Variants in NYAP2 observed in about 807,000 individuals in gnomAD.
NYAP2 encodes the protein neuronal tyrosine-phosphorylated phosphoinositide-3-kinase adapter 2.
A neutral mutation model predicts 50.4 loss-of-function variants in NYAP2; 23 were observed. The observed-to-expected ratio is 0.46, with a 90% CI of 0.33 to 0.65. The LOEUF (loss-of-function observed/expected upper bound fraction) is 0.65. Among genes scored for constraint, NYAP2 ranks in the 30% least tolerant of loss-of-function variants. NYAP2 has a pLI of 0.02. For synonymous variants in NYAP2, 394 were observed against 365.2 expected, an observed-to-expected ratio of 1.08 and a Z score of -0.90; for missense variants, 885 against 861.0, an observed-to-expected ratio of 1.03 and a Z score of -0.35.
chr2:225,500,610 A>T (rs1690588110), intron 3 of NYAP2, among the ~76,000 whole-genome samples: 1 of 152,226 alleles, frequency 6.6e-6, no homozygotes, highest in South Asian at 2.1e-4. Flanking sequence ...AATTTAGAGC[A>T]TTATTTCATT....
upstream of NYAP2, among the ~76,000 whole-genome samples, chr2:225,398,901 C>G (rs1269359801): frequency 6.6e-6 from 1 of 151,890 alleles, no homozygotes. Flanking sequence ...TTATTTTTCC[C>G]CAGATACTTA....
the NYAP2 span, among the ~76,000 whole-genome samples, chr2:225,669,262 C>A: frequency 1.3e-5 from 2 of 151,912 alleles, no homozygotes; most frequent in Non-Finnish European, 2.9e-5. Flanking sequence ...CAAAAGAGAT[C>A]AAAAGTCATT....
intron 5 of NYAP2, among the ~76,000 whole-genome samples, chr2:225,601,583 C>T (rs1383573886): frequency 2.0e-5 from 3 of 152,094 alleles, no homozygotes; most frequent in Non-Finnish European, 4.4e-5. Context: ...TTTGTAAATA[C>T]CAATCCTAAT....
At chr2:225,592,073 C>A (rs926233355) in intron 5 of NYAP2, among the ~76,000 whole-genome samples, 1 of 152,160 alleles carries the variant, frequency 6.6e-6, no homozygotes, top group Non-Finnish European at 1.5e-5. Context: ...TGAGTGCTCA[C>A]CTTAGTGCCT....
At chr2:225,468,630 T>A (rs1022740001) in intron 3 of NYAP2, among the ~76,000 whole-genome samples, 13 of 152,026 alleles carry the variant, frequency 8.6e-5, no homozygotes, top group Non-Finnish European at 1.9e-4. Context: ...AGAAAATCAT[T>A]GAGAAAAAGA....
intron 5 of NYAP2, among the ~76,000 whole-genome samples, chr2:225,599,837 A>G (rs990729079): frequency 6.6e-6 from 1 of 152,228 alleles, no homozygotes; most frequent in African/African-American, 2.4e-5. Flanking sequence ...CTGCAACTCA[A>G]ATCAATAACT....
At chr2:225,504,786 G>T (rs934356385) in intron 3 of NYAP2, among the ~76,000 whole-genome samples, 2 of 152,056 alleles carry the variant, frequency 1.3e-5, no homozygotes, top group African/African-American at 2.4e-5. Flanking sequence ...GAGGCAGGGG[G>T]ATCATGAGGT....
chr2:225,610,784 A>G (rs890774244), intron 5 of NYAP2, among the ~76,000 whole-genome samples: 1 of 152,182 alleles, frequency 6.6e-6, no homozygotes, highest in African/African-American at 2.4e-5. Context: ...CACCCTAAAG[A>G]ATAAAATTAA....
At chr2:225,592,225 T>C (rs1330173736) in intron 5 of NYAP2, among the ~76,000 whole-genome samples, 2 of 152,224 alleles carry the variant, frequency 1.3e-5, no homozygotes, top group African/African-American at 2.4e-5. Flanking sequence ...GCTACCATCC[T>C]GGGATACAGG....
chr2:225,576,567 GCC>G (rs1441127135), intron 4 of NYAP2, among the ~76,000 whole-genome samples: 1 of 152,170 alleles, frequency 6.6e-6, no homozygotes, highest in Admixed American at 6.5e-5. Context: ...TCCAGAATCA[GCC>G]AGTTCCAGTA....
At chr2:225,541,676 C>A (rs1320956078) in intron 4 of NYAP2, among the ~76,000 whole-genome samples, 1 of 152,120 alleles carries the variant, frequency 6.6e-6, no homozygotes, top group East Asian at 1.9e-4. Flanking sequence ...CAGTGCTATG[C>A]TGTTTGTGTT....
intron 5 of NYAP2, among the ~76,000 whole-genome samples, chr2:225,624,330 G>T (rs1393435925): frequency 6.6e-6 from 1 of 152,238 alleles, no homozygotes; most frequent in Admixed American, 6.5e-5. Flanking sequence ...ACTTGGGGAA[G>T]TGGCAGGTAA....
intron 5 of NYAP2, among the ~76,000 whole-genome samples, chr2:225,601,205 C>G (rs1353642042): frequency 1.3e-5 from 2 of 151,094 alleles, no homozygotes. Context: ...ACTGCAACCT[C>G]TACCTCCTGG....
chr2:225,653,311 A>G (rs1693767153), exon 7 of NYAP2: 1 of 152,144 alleles, frequency 6.6e-6, no homozygotes, highest in Admixed American at 6.5e-5. Flanking sequence ...CTTTTTTCCT[A>G]GTTGTCTTTA....
At chr2:225,565,731 C>A (rs1360153720) in intron 4 of NYAP2, among the ~76,000 whole-genome samples, 3 of 152,114 alleles carry the variant, frequency 2.0e-5, no homozygotes, top group African/African-American at 7.2e-5. Flanking sequence ...CTTTTTAAAT[C>A]CTCACATGCA....
intron 4 of NYAP2, among the ~76,000 whole-genome samples, chr2:225,579,094 G>GGA (rs34026452): frequency 0.061 from 8,971 of 147,358 alleles, 578 homozygotes; most frequent in African/African-American, 0.16. Flanking sequence ...AGAAGAGAGG[G>GGA]GAGAGAGAGA....
chr2:225,496,017 A>G (rs1263736339), intron 3 of NYAP2, among the ~76,000 whole-genome samples: 1 of 152,248 alleles, frequency 6.6e-6, no homozygotes, highest in Non-Finnish European at 1.5e-5. Flanking sequence ...TGTTGAAGGT[A>G]TATACCAGGG....
intron 4 of NYAP2, among the ~76,000 whole-genome samples, chr2:225,535,618 T>C (rs187001055): frequency 6.6e-6 from 1 of 152,232 alleles, no homozygotes; most frequent in Admixed American, 6.5e-5. Flanking sequence ...GGGAGCATTG[T>C]GGTGGTCTGA....
Position 225,559,560 on chromosome 2 carries a change from C to T in NYAP2, c.524-22381C>T, listed in dbSNP as rs139663690. The stretch of plus-strand genomic sequence containing the variant: ...CCTTTACTTCTTTTCAGAAACTCCT[C>T]ATGAATTTTTGTAGGACACTCTCCT... On this transcript the variant is annotated intron_variant, in intron 4 of 6. Transcript: ENST00000636099. 6.8e-3 allele frequency among the ~76,000 whole-genome samples: 1,035 copies of T among 152,132 alleles called. 8 individuals carry two copies. The highest frequency in any genetic ancestry group is 0.023 in the African/African-American group (960 of 41,514).
Sources: gnomAD v4.1 joint callset for allele counts (sites outside exome capture counted in the v4.1 genomes callset) on GRCh38, gnomAD v4.1.1 for gene constraint, MANE v1.5 for transcripts, NCBI Gene and HGNC (gene_info 2026-07-23, HGNC 2026-07-21) for gene names.